The following SLC25A16 variants were observed in gnomAD, a reference collection of about 807,000 sequenced individuals.
SLC25A16 encodes the protein mitochondrial coenzyme A transporter SLC25A16.
SLC25A16 carries 39 observed loss-of-function variants against 41.5 expected under a neutral mutation model. The ratio of observed to expected loss-of-function variants is 0.94; its 90% CI spans 0.73 to 1.23. The LOEUF is 1.23. Ranked by LOEUF, SLC25A16 falls within the 50% of genes most tolerant of loss-of-function variation. The pLI is 0.00. For missense variants in SLC25A16, 421 were observed against 426.9 expected (o/e 0.99, Z 0.12); for synonymous variants, 146 against 147.8 (o/e 0.99, Z 0.09).
chr10:68,499,829 C>A, intron 4 of SLC25A16: 1 of 485,990 alleles, frequency 2.1e-6, no homozygotes, highest in Non-Finnish European at 3.9e-6. Flanking sequence ...TGTAGACATT[C>A]ACCACAGCAA....
At chr10:68,485,776 G>A (rs1590089690) in intron 8 of SLC25A16, among the ~76,000 whole-genome samples, 1 of 146,354 alleles carries the variant, frequency 6.8e-6, no homozygotes, top group Non-Finnish European at 1.5e-5. Flanking sequence ...AGCAATTATC[G>A]TGCCTCAGCC....
chr10:68,506,514 C>A, intron 3 of SLC25A16, 71 bp downstream of exon 3: 1 of 1,029,054 alleles, frequency 9.7e-7, no homozygotes, highest in Non-Finnish European at 1.3e-6. Flanking sequence ...TTTAAATGTC[C>A]AAAGCAAATG....
intron 4 of SLC25A16, among the ~76,000 whole-genome samples, chr10:68,495,959 T>C (rs1005143602): frequency 2.6e-5 from 4 of 152,148 alleles, no homozygotes; most frequent in Non-Finnish European, 4.4e-5. Flanking sequence ...ATCAGGGTTT[T>C]GTAAAGATTA....
At chr10:68,484,976 C>T (rs995219412) in intron 8 of SLC25A16, among the ~76,000 whole-genome samples, 2 of 151,496 alleles carry the variant, frequency 1.3e-5, no homozygotes, top group African/African-American at 2.4e-5. Flanking sequence ...TAAAATACAC[C>T]CTGGATTTCA....
intron 4 of SLC25A16, among the ~76,000 whole-genome samples, chr10:68,497,365 T>C (rs1416503428): frequency 6.6e-6 from 1 of 152,212 alleles, no homozygotes; most frequent in Non-Finnish European, 1.5e-5. Flanking sequence ...TCCAGTTCTA[T>C]AATAGTTTGT....
chr10:68,506,272 C>T (rs1590112782), intron 3 of SLC25A16, among the ~76,000 whole-genome samples: 1 of 151,974 alleles, frequency 6.6e-6, no homozygotes, highest in Non-Finnish European at 1.5e-5. Flanking sequence ...TGGCAAAACG[C>T]TGTCTCTACT....
intron 1 of SLC25A16, among the ~76,000 whole-genome samples, chr10:68,521,146 A>C (rs1225915132): frequency 6.6e-6 from 1 of 151,882 alleles, no homozygotes; most frequent in Admixed American, 6.6e-5. Context: ...AAAAAAAAGG[A>C]ACACACAGAC....
At chr10:68,512,197 G>A (rs951310598) in intron 2 of SLC25A16, among the ~76,000 whole-genome samples, 1 of 152,040 alleles carries the variant, frequency 6.6e-6, no homozygotes, top group Non-Finnish European at 1.5e-5. Flanking sequence ...CAAGACAGGT[G>A]GGTCAGACAG....
intron 1 of SLC25A16, among the ~76,000 whole-genome samples, chr10:68,524,574 T>C (rs1403552255): frequency 6.6e-6 from 1 of 150,820 alleles, no homozygotes; most frequent in African/African-American, 2.4e-5. Context: ...CCAGGCACGG[T>C]GGCGAGCACC....
At chr10:68,506,105 A>C (rs1313474091) in intron 3 of SLC25A16, among the ~76,000 whole-genome samples, 3 of 152,206 alleles carry the variant, frequency 2.0e-5, no homozygotes, top group African/African-American at 7.2e-5. Flanking sequence ...GGTAATTCCA[A>C]AGACAAGTTA....
chr10:68,513,707 C>T (rs945254994), intron 2 of SLC25A16, among the ~76,000 whole-genome samples: 1 of 151,806 alleles, frequency 6.6e-6, no homozygotes, highest in Non-Finnish European at 1.5e-5. Flanking sequence ...CTGGCAAACA[C>T]GGTGAAACCC....
chr10:68,522,384 A>G (rs978412301), intron 1 of SLC25A16, among the ~76,000 whole-genome samples: 2 of 152,242 alleles, frequency 1.3e-5, no homozygotes, highest in East Asian at 3.9e-4. Context: ...ATTGTCAAAG[A>G]AAAGTGGAAA....
chr10:68,505,550 G>C (rs1172592083), intron 3 of SLC25A16, among the ~76,000 whole-genome samples: 2 of 139,880 alleles, frequency 1.4e-5, no homozygotes, highest in Non-Finnish European at 1.5e-5. Context: ...AAGGTGGGCA[G>C]ATCACCTGAA....
chr10:68,521,956 T>C (rs963165208), intron 1 of SLC25A16, among the ~76,000 whole-genome samples: 3 of 151,826 alleles, frequency 2.0e-5, no homozygotes, highest in Non-Finnish European at 4.4e-5. Context: ...AGGTCAGGAA[T>C]TGGAGACCAG....
chr10:68,499,866 C>A, intron 4 of SLC25A16: 1 of 540,644 alleles, frequency 1.8e-6, no homozygotes, highest in South Asian at 1.6e-5. Flanking sequence ...TAAAACTGAA[C>A]AAAGACGGCA....
chr10:68,520,484 T>C (rs1041233087), intron 1 of SLC25A16, among the ~76,000 whole-genome samples: 1 of 151,778 alleles, frequency 6.6e-6, no homozygotes, highest in Non-Finnish European at 1.5e-5. Flanking sequence ...AAGACCAGCC[T>C]GGCCAACTTG....
At chr10:68,483,913 C>T (rs1032643931) in intron 8 of SLC25A16, among the ~76,000 whole-genome samples, 2 of 152,196 alleles carry the variant, frequency 1.3e-5, no homozygotes, top group African/African-American at 4.8e-5. Context: ...ATCCACCCAC[C>T]TTGGCCTCCC....
At chr10:68,499,627 C>T (rs187464093) in intron 4 of SLC25A16, 8 of 344,454 alleles carry the variant, frequency 2.3e-5, no homozygotes, top group Admixed American at 9.4e-5. Context: ...TTATGTCTTC[C>T]CCTCTTTCCA....
intron 3 of SLC25A16, 51 bp downstream of exon 3, chr10:68,506,534 G>C (rs748359640): frequency 2.3e-6 from 3 of 1,322,262 alleles, no homozygotes; most frequent in Non-Finnish European, 3.1e-6. Context: ...GCCTGGTCAA[G>C]CATGCATGAT....
Sources: gnomAD v4.1 joint callset for allele counts (sites outside exome capture counted in the v4.1 genomes callset) on GRCh38, gnomAD v4.1.1 for gene constraint, MANE v1.5 for transcripts, NCBI Gene and HGNC (gene_info 2026-07-23, HGNC 2026-07-21) for gene names.